The following PAX9 variants were observed in gnomAD, a reference collection of about 807,000 sequenced individuals.
The protein encoded by PAX9 is paired box protein Pax-9.
PAX9 carries 6 observed loss-of-function variants against 29.1 expected under a neutral mutation model. That is an observed-to-expected ratio of 0.21 (90% CI 0.11 to 0.41). The LOEUF (loss-of-function observed/expected upper bound fraction) is 0.41. Ranked by LOEUF, PAX9 falls within the 10% of genes least tolerant of loss-of-function variation. The pLI is 1.00. For missense variants in PAX9, 443 were observed against 479.1 expected (o/e 0.92, Z 0.70); for synonymous variants, 217 against 211.7 (o/e 1.03, Z -0.22).
chr14:36,678,518 CA>C lies in PAX9; in HGVS notation c.*2069del. On this transcript the variant is annotated 3_prime_UTR_variant, in exon 4 of 4. Coordinates refer to ENST00000361487, the MANE Select transcript of PAX9 (RefSeq NM_001372076.1). ...AAAATAGACTATAAACTGAATGGAA[CA>C]AAGATCCAATCCAATATTTTGGTGG... is the stretch of plus-strand genomic sequence containing the variant. 1 of 1,536,916 alleles carries C rather than the reference CA, an allele frequency of 6.5e-7. No individual in the cohort carries two copies. Among genetic ancestry groups the C allele is most frequent in the Middle Eastern group, 1.7e-4 (1 of 5,988 alleles).
chr14:36,676,153 C>T (rs1014824586), intron 3 of PAX9, 45 bp from the exon 4 acceptor site: 41 of 1,604,870 alleles, frequency 2.6e-5, no homozygotes, highest in Non-Finnish European at 3.4e-5. Context: ...GAAATGTTCA[C>T]TCCTATAATG....
At chr14:36,672,349 A>T (rs1429296125) in intron 3 of PAX9, among the ~76,000 whole-genome samples, 1 of 152,202 alleles carries the variant, frequency 6.6e-6, no homozygotes, top group African/African-American at 2.4e-5. Context: ...TTCACTGAAA[A>T]CATTAAACCG....
At chr14:36,675,647 G>T (rs1170627106) in intron 3 of PAX9, among the ~76,000 whole-genome samples, 2 of 152,130 alleles carry the variant, frequency 1.3e-5, no homozygotes, top group African/African-American at 4.8e-5. Context: ...TGTCCAACGG[G>T]CATTTTCAAT....
intron 2 of PAX9, among the ~76,000 whole-genome samples, chr14:36,665,272 T>C (rs1472151011): frequency 6.6e-6 from 1 of 151,906 alleles, no homozygotes. Context: ...TATTGGAGAA[T>C]GGAAAGGAGC....
intron 3 of PAX9, among the ~76,000 whole-genome samples, chr14:36,669,277 C>G (rs1881622715): frequency 6.6e-6 from 1 of 152,092 alleles, no homozygotes; most frequent in Non-Finnish European, 1.5e-5. Flanking sequence ...AAGTGTTGCC[C>G]ATATATGTGC....
At chr14:36,672,851 C>CTTTTTTTTTTTTTTTT in intron 3 of PAX9, among the ~76,000 whole-genome samples, 1 of 23,078 alleles carries the variant, frequency 4.3e-5, no homozygotes, top group Non-Finnish European at 1.0e-4. Context: ...TTTCTTTCTT[C>CTTTTTTTTTTTTTTTT]CTTTTTTTTT....
chr14:36,673,674 C>T (rs559391942), intron 3 of PAX9, among the ~76,000 whole-genome samples: 2 of 152,062 alleles, frequency 1.3e-5, no homozygotes, highest in African/African-American at 2.4e-5. Flanking sequence ...TCAGAGAGAA[C>T]TGTAATTTTG....
At position 36,679,280 on chromosome 14, in the gene PAX9, A is replaced by G. The variant is rs761852269; in HGVS notation, c.*2828A>G. 3.1e-6 allele frequency: 3 copies of G among 981,462 alleles called. No individual in the cohort carries two copies. The highest frequency in any genetic ancestry group is 3.6e-6 in the Non-Finnish European group (3 of 826,324). The allele number at this position is 981,462 out of a possible 1,614,324, so 60.8% of individuals were successfully genotyped here. ...CACGTTGGAAAGGATGTACAACAGA[A>G]GGCTATGTATGTATATACAGTATGT... On this transcript the variant is annotated 3_prime_UTR_variant, in exon 4 of 4. Coordinates refer to ENST00000361487, the MANE Select transcript of PAX9 (RefSeq NM_001372076.1).
chr14:36,664,572 T>TC (rs1566469730), intron 2 of PAX9, among the ~76,000 whole-genome samples: 2 of 150,078 alleles, frequency 1.3e-5, no homozygotes, highest in East Asian at 1.9e-4. Context: ...TACTGAGTTT[T>TC]TTTTTTTTTT....
chr14:36,664,387 C>T (rs917626153), intron 2 of PAX9, among the ~76,000 whole-genome samples: 1 of 151,962 alleles, frequency 6.6e-6, no homozygotes, highest in Admixed American at 6.6e-5. Flanking sequence ...CCCGAGAATG[C>T]AAGTGGATAT....
Position 36,677,951 on chromosome 14 carries a change from A to G in PAX9, c.*1499A>G, listed in dbSNP as rs1881979133. 2.0e-5 allele frequency: 3 copies of G among 153,088 alleles called. No individual in the cohort carries two copies. Among genetic ancestry groups the G allele is most frequent in the Non-Finnish European group, 4.4e-5 (3 of 68,588 alleles). 9.5% of individuals were successfully genotyped at this position (153,088 alleles called of 1,614,324 possible). A position where few individuals can be genotyped will look rare whatever the true frequency, so the allele number is the denominator to read the frequency against. On this transcript the variant is annotated 3_prime_UTR_variant, in exon 4 of 4. Transcript: ENST00000361487. ...CTACAGTTTTTAATCCCTTCTGTTT[A>G]GGAAGTTCTTCCTGTTTGGCAATAT...
intron 2 of PAX9, among the ~76,000 whole-genome samples, chr14:36,665,336 A>C (rs1305780335): frequency 6.6e-6 from 1 of 152,170 alleles, no homozygotes; most frequent in African/African-American, 2.4e-5. Flanking sequence ...TAAACAACCC[A>C]GTTTGTGACA....
chr14:36,658,990 T>G (rs1429383727), upstream of PAX9, among the ~76,000 whole-genome samples: 4 of 152,124 alleles, frequency 2.6e-5, no homozygotes, highest in Non-Finnish European at 4.4e-5. Context: ...TCCTTCACAC[T>G]CTCGGCCCGG....
At chr14:36,667,985 G>A (rs189004042) in intron 3 of PAX9, among the ~76,000 whole-genome samples, 398 of 152,290 alleles carry the variant, frequency 2.6e-3, no homozygotes, top group Non-Finnish European at 4.3e-3. Flanking sequence ...CTTTAAAACA[G>A]GGAAATGATA....
At chr14:36,663,941 C>G (rs1373819015) in intron 2 of PAX9, among the ~76,000 whole-genome samples, 1 of 152,254 alleles carries the variant, frequency 6.6e-6, no homozygotes, top group African/African-American at 2.4e-5. Context: ...GGCAGAGCAG[C>G]TTGCTTGGGG....
chr14:36,674,233 A>G lies in PAX9; in HGVS notation c.772-1965A>G, dbSNP rs935231687. On this transcript the variant is annotated intron_variant, in intron 3 of 3. Coordinates refer to ENST00000361487, the MANE Select transcript of PAX9 (RefSeq NM_001372076.1). ...ATTCTTTTTTTAGAAGGGATCTGAC[A>G]ATGAGAATCATGTTCTAGGAGAGAA... Among the ~76,000 whole-genome samples the G allele has an allele frequency of 5.1e-4, 77 of 152,378 alleles. 1 individual carries two copies. Among genetic ancestry groups the G allele is most frequent in the African/African-American group, 1.7e-3 (72 of 41,594 alleles).
intron 3 of PAX9, among the ~76,000 whole-genome samples, chr14:36,674,814 C>T (rs1881823900): frequency 1.3e-5 from 2 of 152,140 alleles, no homozygotes; most frequent in Admixed American, 1.3e-4. Context: ...AGAGCATAGA[C>T]ACAAGGCTAA....
In PAX9 at chr14:36,663,188, C is replaced by T. The variant is rs1441977733; in HGVS notation, c.296C>T (p.Ala99Val). ...TYKQRDPGIF[A>V]WEIRDRLLAD... ...AAGCAGAGAGACCCCGGCATCTTCG[C>T]CTGGGAGATCCGGGACCGCCTGCTG... Residue 99 changes from alanine (A) to valine (V), a missense_variant, in exon 2 of 4, where the codon GCC (alanine) becomes GTC (valine). Coordinates refer to ENST00000361487, the MANE Select transcript of PAX9 (RefSeq NM_001372076.1). 6.2e-7 allele frequency: 1 copy of T among 1,613,976 alleles called. No homozygotes were observed. The highest frequency in any genetic ancestry group is 2.2e-5 in the East Asian group (1 of 44,848).
At chr14:36,673,023 A>G (rs572702052) in intron 3 of PAX9, among the ~76,000 whole-genome samples, 47 of 147,852 alleles carry the variant, frequency 3.2e-4, no homozygotes, top group Non-Finnish European at 6.1e-4. Flanking sequence ...CTGCCACCAC[A>G]CCCGGCTAAT....
Sources: gnomAD v4.1 joint callset for allele counts (sites outside exome capture counted in the v4.1 genomes callset) on GRCh38, gnomAD v4.1.1 for gene constraint, MANE v1.5 for transcripts, NCBI Gene and HGNC (gene_info 2026-07-23, HGNC 2026-07-21) for gene names.